TAFA2: variants seen among roughly 807,000 people sequenced by gnomAD.
TAFA2 encodes TAFA chemokine like family member 2, also known as chemokine-like protein TAFA-2.
TAFA2 carries 7 observed loss-of-function variants against 18.8 expected under a neutral mutation model. The observed-to-expected ratio is 0.37, with a 90% CI of 0.21 to 0.70. TAFA2 has a LOEUF of 0.70. Ranked by LOEUF, TAFA2 falls within the 30% of genes least tolerant of loss-of-function variation. TAFA2 has a pLI of 0.53. For missense variants in TAFA2, 122 were observed against 158.1 expected (o/e 0.77, Z 1.23); for synonymous variants, 60 against 54.2 (o/e 1.11, Z -0.47).
intron 2 of TAFA2, among the ~76,000 whole-genome samples, chr12:61,859,024 A>G (rs1291407593): frequency 6.6e-6 from 1 of 152,234 alleles, no homozygotes; most frequent in African/African-American, 2.4e-5. Flanking sequence ...TTTTTACAAC[A>G]TTAAAAACCA....
intron 1 of TAFA2, among the ~76,000 whole-genome samples, chr12:62,052,777 G>A (rs946681949): frequency 2.6e-5 from 4 of 152,276 alleles, no homozygotes; most frequent in East Asian, 1.9e-4. Flanking sequence ...TAGATTTGTG[G>A]AGATATTAGC....
intron 2 of TAFA2, among the ~76,000 whole-genome samples, chr12:61,817,454 A>C (rs1228321347): frequency 5.3e-5 from 8 of 152,168 alleles, no homozygotes; most frequent in African/African-American, 1.9e-4. Flanking sequence ...ATAGAGATAT[A>C]GACTATATGA....
rs1592446714 is a variant in TAFA2 at position 61,867,529 on chromosome 12, A to G, written c.-1-103T>C. On this transcript the variant is annotated intron_variant, in intron 1 of 4. Transcript: ENST00000416284. ...CCTTCCACTATACTTTAACCCCTTC[A>G]ACTTCTGAAAACTGTATTTCTTGTA... The G allele has an allele frequency of 7.8e-6, 5 of 637,406 alleles. No homozygotes were observed. The East Asian group carries it at 1.4e-4, about 18-fold the overall frequency. 39.5% of individuals were successfully genotyped at this position (637,406 alleles called of 1,614,324 possible).
At chr12:61,931,171 C>T (rs374679451) in intron 1 of TAFA2, among the ~76,000 whole-genome samples, 1 of 152,082 alleles carries the variant, frequency 6.6e-6, no homozygotes. Context: ...AAGTGTATTA[C>T]CTGCTTTTTT....
chr12:61,755,926 A>G (rs1869244590), intron 2 of TAFA2, among the ~76,000 whole-genome samples: 1 of 152,138 alleles, frequency 6.6e-6, no homozygotes, highest in African/African-American at 2.4e-5. Flanking sequence ...AACAGCTTAA[A>G]ATCAAACATT....
intron 2 of TAFA2, among the ~76,000 whole-genome samples, chr12:61,768,819 C>G (rs7315668): frequency 0.3 from 45,892 of 151,860 alleles, 7,309 homozygotes; most frequent in South Asian, 0.37. Flanking sequence ...CATGAAGTTT[C>G]CTAGACAGAA....
chr12:62,038,453 A>G (rs1881669625), intron 1 of TAFA2, among the ~76,000 whole-genome samples: 1 of 152,214 alleles, frequency 6.6e-6, no homozygotes, highest in South Asian at 2.1e-4. Context: ...CAAACTATAA[A>G]AACTATGTAC....
chr12:62,052,507 T>C (rs1438681754), intron 1 of TAFA2, among the ~76,000 whole-genome samples: 1 of 152,164 alleles, frequency 6.6e-6, no homozygotes, highest in African/African-American at 2.4e-5. Flanking sequence ...AACCCTCTTC[T>C]CTTTGTGCTC....
upstream of TAFA2, among the ~76,000 whole-genome samples, chr12:62,196,100 T>C (rs2062648063): frequency 2.6e-5 from 4 of 152,242 alleles, no homozygotes; most frequent in Non-Finnish European, 5.9e-5. Flanking sequence ...AGCTTCTTTC[T>C]TTAAATCTCA....
At chr12:61,904,911 T>C (rs1252570149) in intron 1 of TAFA2, among the ~76,000 whole-genome samples, 1 of 152,218 alleles carries the variant, frequency 6.6e-6, no homozygotes, top group Non-Finnish European at 1.5e-5. Flanking sequence ...AATAAAATGT[T>C]ACAAAAATCT....
At chr12:61,914,691 A>T (rs1876748009) in intron 1 of TAFA2, among the ~76,000 whole-genome samples, 2 of 152,248 alleles carry the variant, frequency 1.3e-5, no homozygotes, top group South Asian at 2.1e-4. Context: ...AAATTATTAC[A>T]TATTATTTAT....
chr12:62,232,683 T>A (rs1476541464), intron 1 of TAFA2, among the ~76,000 whole-genome samples: 6 of 152,122 alleles, frequency 3.9e-5, no homozygotes, highest in Admixed American at 3.9e-4. Flanking sequence ...GGCTAATTTT[T>A]GTATTTTTAG....
At chr12:62,227,273 C>A (rs1470454181) in intron 1 of TAFA2, among the ~76,000 whole-genome samples, 5 of 152,122 alleles carry the variant, frequency 3.3e-5, no homozygotes, top group Non-Finnish European at 7.4e-5. Context: ...AGACAGAAGT[C>A]GTTAATCATA....
At chr12:62,204,992 C>T (rs748770665) in intron 1 of TAFA2, among the ~76,000 whole-genome samples, 1 of 152,186 alleles carries the variant, frequency 6.6e-6, no homozygotes. Context: ...AGACTGCTCA[C>T]CTTTGGATGG....
At chr12:61,902,367 C>G (rs1876143407) in intron 1 of TAFA2, among the ~76,000 whole-genome samples, 1 of 152,178 alleles carries the variant, frequency 6.6e-6, no homozygotes, top group Admixed American at 6.5e-5. Flanking sequence ...AATCAATGCT[C>G]AGATTTAAAA....
chr12:62,005,132 A>G (rs1880504475), intron 1 of TAFA2, among the ~76,000 whole-genome samples: 1 of 152,130 alleles, frequency 6.6e-6, no homozygotes, highest in South Asian at 2.1e-4. Context: ...ACTATAGTCA[A>G]TAATATTGTA....
At chr12:61,904,070 G>C (rs1183905195) in intron 1 of TAFA2, among the ~76,000 whole-genome samples, 1 of 152,094 alleles carries the variant, frequency 6.6e-6, no homozygotes, top group Non-Finnish European at 1.5e-5. Context: ...CAATATTATA[G>C]AAGTTAAAAG....
intron 4 of TAFA2, among the ~76,000 whole-genome samples, chr12:61,752,948 T>C (rs1163309160): frequency 6.6e-6 from 1 of 152,020 alleles, no homozygotes; most frequent in Non-Finnish European, 1.5e-5. Flanking sequence ...GAATTCAAAT[T>C]CTGCCAGTCT....
At chr12:61,832,154 G>A (rs375966841) in intron 2 of TAFA2, among the ~76,000 whole-genome samples, 8 of 152,084 alleles carry the variant, frequency 5.3e-5, no homozygotes, top group African/African-American at 1.9e-4. Flanking sequence ...TCTTAGATCA[G>A]TGCTGCCCTT....
Sources: gnomAD v4.1 joint callset for allele counts (sites outside exome capture counted in the v4.1 genomes callset) on GRCh38, gnomAD v4.1.1 for gene constraint, MANE v1.5 for transcripts, NCBI Gene and HGNC (gene_info 2026-07-23, HGNC 2026-07-21) for gene names.